TENM1: variants seen among roughly 807,000 people sequenced by gnomAD.
The protein encoded by TENM1 is teneurin transmembrane protein 1.
TENM1 carries 35 observed loss-of-function variants against 174.8 expected under a neutral mutation model. The observed-to-expected ratio is 0.20, with a 90% confidence interval of 0.15 to 0.27. The LOEUF (loss-of-function observed/expected upper bound fraction) is 0.27. Ranked by LOEUF, TENM1 falls within the 10% of genes least tolerant of loss-of-function variation. The pLI is 1.00. For missense variants in TENM1, 1,633 were observed against 2,130.1 expected (o/e 0.77, Z 4.59); for synonymous variants, 781 against 798.7 (o/e 0.98, Z 0.37).
At chrX:124,684,164 A>G (rs1325104606) in intron 5 of TENM1, among the ~76,000 whole-genome samples, 1 of 111,756 alleles carries the variant, frequency 8.9e-6, no homozygotes, top group Non-Finnish European at 1.9e-5. Flanking sequence ...TTAAAACGCA[A>G]ATTAGAGGAG....
chrX:124,413,150 G>A (rs2147712505), intron 25 of TENM1, among the ~76,000 whole-genome samples: 1 of 112,058 alleles, frequency 8.9e-6, no homozygotes, highest in South Asian at 3.8e-4. Context: ...TCCAAACAGT[G>A]TTTTGGTGGC....
intron 11 of TENM1, among the ~76,000 whole-genome samples, chrX:124,585,233 AT>A (rs1320345272): frequency 9.0e-6 from 1 of 111,585 alleles, no homozygotes; most frequent in Non-Finnish European, 1.9e-5. Flanking sequence ...CAGAATATAC[AT>A]TTTGTTCAGC....
intron 3 of TENM1, among the ~76,000 whole-genome samples, chrX:124,747,648 A>G (rs1317373652): frequency 9.1e-6 from 1 of 109,498 alleles, no homozygotes; most frequent in Admixed American, 9.7e-5. Flanking sequence ...TTGTGAAAAT[A>G]CATATGTATG....
intron 3 of TENM1, among the ~76,000 whole-genome samples, chrX:124,746,166 A>C (rs2053914357): frequency 1.8e-5 from 2 of 112,303 alleles, no homozygotes; most frequent in Non-Finnish European, 3.8e-5. Context: ...TCAAAAATTT[A>C]AAGTTTGAAT....
At chrX:125,146,884 A>G in the TENM1 span, among the ~76,000 whole-genome samples, 1 of 110,834 alleles carries the variant, frequency 9.0e-6, no homozygotes, top group East Asian at 2.8e-4. Flanking sequence ...GTCCCTAAAA[A>G]TTTCCATTAT....
At chrX:125,043,432 A>G in the TENM1 span, among the ~76,000 whole-genome samples, 2 of 85,403 alleles carry the variant, frequency 2.3e-5, no homozygotes, top group Admixed American at 2.9e-4. Flanking sequence ...ATCACTGGAC[A>G]TCAGAGAAAT....
the TENM1 span, among the ~76,000 whole-genome samples, chrX:124,994,568 TA>T: frequency 9.0e-6 from 1 of 110,926 alleles, no homozygotes; most frequent in Non-Finnish European, 1.9e-5. Flanking sequence ...CGCAGTTCTA[TA>T]GTGTTCTTCA....
intron 23 of TENM1, among the ~76,000 whole-genome samples, chrX:124,442,191 C>T (rs1156837482): frequency 8.9e-6 from 1 of 112,378 alleles, no homozygotes; most frequent in East Asian, 2.8e-4. Flanking sequence ...TTTGCTTTGA[C>T]AGTGAGATAA....
intron 1 of TENM1, among the ~76,000 whole-genome samples, chrX:124,951,455 T>C (rs1366206046): frequency 9.1e-6 from 1 of 109,446 alleles, no homozygotes; most frequent in Non-Finnish European, 1.9e-5. Context: ...CAAGGAGTGG[T>C]ATAAAGAAGA....
intron 27 of TENM1, among the ~76,000 whole-genome samples, chrX:124,400,892 C>T (rs2060391849): frequency 8.9e-6 from 1 of 112,201 alleles, no homozygotes; most frequent in Non-Finnish European, 1.9e-5. Context: ...GATACATGGA[C>T]TAGATGCAAA....
chrX:124,466,810 G>A (rs749604006), intron 22 of TENM1, among the ~76,000 whole-genome samples: 162 of 111,461 alleles, frequency 1.5e-3, no homozygotes, highest in Non-Finnish European at 2.5e-3. Context: ...GGCTCCAGTA[G>A]TAGCCTGCCT....
intron 5 of TENM1, among the ~76,000 whole-genome samples, chrX:124,698,623 G>T (rs770628371): frequency 1.8e-5 from 2 of 110,814 alleles, no homozygotes; most frequent in African/African-American, 6.5e-5. Context: ...TAATTGTCTT[G>T]CCCTAATGAA....
At chrX:124,476,520 C>T (rs1457567192) in intron 22 of TENM1, among the ~76,000 whole-genome samples, 1 of 111,784 alleles carries the variant, frequency 8.9e-6, no homozygotes, top group East Asian at 2.8e-4. Flanking sequence ...AGTTCTGCTC[C>T]TGCTGAGTTC....
exon 32 of TENM1, chrX:124,376,887 C>T (rs1569527993): frequency 1.8e-5 from 2 of 110,408 alleles, no homozygotes; most frequent in Non-Finnish European, 3.8e-5. Flanking sequence ...TGAATTTCTT[C>T]AAGAAAACAG....
chrX:124,511,651 A>AAAATGAG (rs2047587519), intron 18 of TENM1, among the ~76,000 whole-genome samples: 1 of 112,414 alleles, frequency 8.9e-6, no homozygotes, highest in Non-Finnish European at 1.9e-5. Flanking sequence ...TATAAGGATT[A>AAAATGAG]AAATGAGATA....
intron 5 of TENM1, among the ~76,000 whole-genome samples, chrX:124,700,028 G>T (rs563874597): frequency 2.7e-5 from 3 of 111,848 alleles, no homozygotes; most frequent in Non-Finnish European, 3.8e-5. Flanking sequence ...GATTGATAAC[G>T]GTCTATAGGA....
Position 124,804,059 on chromosome X carries a change from T to G in TENM1, c.536-66862A>C, listed in dbSNP as rs1185504759. 1.2e-4 allele frequency among the ~76,000 whole-genome samples: 14 copies of G among 112,013 alleles called. No individual in the cohort carries two copies. The Admixed American group carries it at 1.3e-3, about 11-fold the overall frequency. ...ATCTTAATTGGCAGTAATTGCACTATTTACATGTTAATGAACAACACCTGG... is the reference window on the plus strand; with the variant it reads ...ATCTTAATTGGCAGTAATTGCACTAGTTACATGTTAATGAACAACACCTGG... On this transcript the variant is annotated intron_variant, in intron 3 of 31. Transcript: ENST00000422452.
the TENM1 span, chrX:125,203,808 T>C: frequency 2.7e-5 from 3 of 112,196 alleles, no homozygotes; most frequent in Non-Finnish European, 5.6e-5. Flanking sequence ...ACCTACCTAT[T>C]CCAAGCGCAA....
chrX:124,536,246 T>G (rs2048204041), intron 15 of TENM1, among the ~76,000 whole-genome samples: 1 of 111,668 alleles, frequency 9.0e-6, no homozygotes, highest in South Asian at 3.7e-4. Flanking sequence ...TAAACCTATT[T>G]CCATGTTCTG....
Sources: allele counts gnomAD v4.1 joint callset (sites outside exome capture counted in the v4.1 genomes callset), GRCh38; gene constraint gnomAD v4.1.1; transcripts MANE v1.5; gene names NCBI Gene and HGNC (gene_info 2026-07-23, HGNC 2026-07-21).